The following SNTG1 variants were observed in gnomAD, a reference collection of about 807,000 sequenced individuals.
SNTG1 encodes syntrophin gamma 1.
SNTG1 carries 39 observed loss-of-function variants against 74.7 expected under a neutral mutation model. The ratio of observed to expected loss-of-function variants is 0.52; its 90% CI spans 0.40 to 0.68. SNTG1 has a LOEUF of 0.68. Among genes scored for constraint, SNTG1 ranks in the 30% least tolerant of loss-of-function variants. SNTG1 has a pLI of 0.00. For synonymous variants in SNTG1, 254 were observed against 217.1 expected (o/e 1.17, Z -1.49); for missense variants, 685 against 609.5 (o/e 1.12, Z -1.30).
intron 1 of SNTG1, among the ~76,000 whole-genome samples, chr8:50,145,502 C>G (rs1456319506): frequency 6.6e-6 from 1 of 151,954 alleles, no homozygotes; most frequent in Non-Finnish European, 1.5e-5. Context: ...AAAGAAGAAG[C>G]CTACTAATGT....
At chr8:50,606,322 T>C (rs2094812065) in intron 13 of SNTG1, among the ~76,000 whole-genome samples, 1 of 152,238 alleles carries the variant, frequency 6.6e-6, no homozygotes, top group South Asian at 2.1e-4. Flanking sequence ...CTTAGAACTT[T>C]AAAAATTTCT....
At chr8:50,371,779 C>T (rs1054022784) in intron 2 of SNTG1, among the ~76,000 whole-genome samples, 10 of 152,090 alleles carry the variant, frequency 6.6e-5, no homozygotes, top group Admixed American at 2.0e-4. Context: ...ACCCTTTTAT[C>T]GTTACATCAT....
intron 1 of SNTG1, among the ~76,000 whole-genome samples, chr8:50,112,515 C>CTTTTTTTTTTTTT (rs34942560): frequency 1.3e-5 from 1 of 77,582 alleles, no homozygotes; most frequent in Admixed American, 2.2e-4. Flanking sequence ...TTAGTTCTTT[C>CTTTTTTTTTTTTT]TTTTTTTTTT....
intron 4 of SNTG1, among the ~76,000 whole-genome samples, chr8:50,404,530 TAA>T (rs1386233035): frequency 2.0e-5 from 3 of 151,946 alleles, no homozygotes; most frequent in African/African-American, 4.8e-5. Context: ...ATTCTAATAA[TAA>T]ATACAATGTA....
At chr8:50,061,809 C>T (rs1820497415) in intron 1 of SNTG1, among the ~76,000 whole-genome samples, 1 of 151,974 alleles carries the variant, frequency 6.6e-6, no homozygotes, top group Admixed American at 6.6e-5. Context: ...TGATATCTAG[C>T]TTGATGCACT....
At chr8:50,189,322 CA>C (rs2083485705) in intron 2 of SNTG1, among the ~76,000 whole-genome samples, 1 of 151,620 alleles carries the variant, frequency 6.6e-6, no homozygotes, top group Admixed American at 6.6e-5. Context: ...CAGTGGTTCT[CA>C]AAAGTGAGCA....
chr8:50,786,413 A>G (rs1026198485), intron 18 of SNTG1, among the ~76,000 whole-genome samples: 1 of 152,038 alleles, frequency 6.6e-6, no homozygotes, highest in Non-Finnish European at 1.5e-5. Context: ...TAGAAAACTT[A>G]ATACTTTTAA....
At chr8:50,299,119 C>A (rs1250964244) in intron 2 of SNTG1, among the ~76,000 whole-genome samples, 1 of 152,122 alleles carries the variant, frequency 6.6e-6, no homozygotes, top group Non-Finnish European at 1.5e-5. Flanking sequence ...GTTGTCTCTT[C>A]TAGGACCAGT....
At chr8:50,102,373 G>C (rs2080170195) in intron 1 of SNTG1, among the ~76,000 whole-genome samples, 1 of 151,690 alleles carries the variant, frequency 6.6e-6, no homozygotes. Flanking sequence ...AGAAGTGTCT[G>C]TTCATGTCCT....
intron 2 of SNTG1, among the ~76,000 whole-genome samples, chr8:50,274,590 A>G (rs1487469159): frequency 6.6e-6 from 1 of 152,190 alleles, no homozygotes; most frequent in Non-Finnish European, 1.5e-5. Flanking sequence ...ACAATGGCTA[A>G]TAGCAGTGGG....
At chr8:50,402,139 C>T in intron 3 of SNTG1, 71 bp from the exon 4 acceptor site, 1 of 1,487,286 alleles carries the variant, frequency 6.7e-7, no homozygotes, top group Admixed American at 2.4e-5. Context: ...TTGCTGTAAA[C>T]TGGCCACAAA....
At chr8:50,762,261 G>T (rs2095601119) in intron 18 of SNTG1, among the ~76,000 whole-genome samples, 1 of 151,874 alleles carries the variant, frequency 6.6e-6, no homozygotes, top group African/African-American at 2.4e-5. Flanking sequence ...CTTTAGAAGG[G>T]GTGAATAGCG....
intron 4 of SNTG1, among the ~76,000 whole-genome samples, chr8:50,407,364 C>T (rs1490832791): frequency 6.6e-6 from 1 of 152,122 alleles, no homozygotes; most frequent in Non-Finnish European, 1.5e-5. Context: ...AAGCAATGCT[C>T]TGAAGTCCTG....
At chr8:50,075,726 C>T (rs372198079) in intron 1 of SNTG1, among the ~76,000 whole-genome samples, 2 of 152,150 alleles carry the variant, frequency 1.3e-5, no homozygotes, top group East Asian at 1.9e-4. Flanking sequence ...CTGGGAAGGT[C>T]TGCAGCTTTT....
intron 2 of SNTG1, among the ~76,000 whole-genome samples, chr8:50,230,819 A>G (rs1424161587): frequency 7.2e-6 from 1 of 139,138 alleles, no homozygotes; most frequent in African/African-American, 2.6e-5. Context: ...GGGGAAAACT[A>G]TCTAACATTG....
chr8:50,668,624 G>C (rs1345162608), intron 15 of SNTG1, among the ~76,000 whole-genome samples: 1 of 151,066 alleles, frequency 6.6e-6, no homozygotes, highest in African/African-American at 2.4e-5. Context: ...TGCACCTATC[G>C]ACCTGTCCTC....
chr8:50,246,483 T>C (rs1004362995), intron 2 of SNTG1, among the ~76,000 whole-genome samples: 3 of 141,846 alleles, frequency 2.1e-5, no homozygotes, highest in Non-Finnish European at 4.6e-5. Flanking sequence ...CATTACTAAG[T>C]GAAGAAACAT....
chr8:50,185,994 T>A (rs1158772366), intron 2 of SNTG1, among the ~76,000 whole-genome samples: 3 of 152,126 alleles, frequency 2.0e-5, no homozygotes, highest in Non-Finnish European at 4.4e-5. Context: ...ATGCTCTCCA[T>A]ACCCTAGACT....
chr8:50,154,684 G>T (rs2082195451), intron 1 of SNTG1, among the ~76,000 whole-genome samples: 1 of 152,124 alleles, frequency 6.6e-6, no homozygotes. Context: ...GGGAAGCATT[G>T]AACTAACCAA....
Sources: gnomAD v4.1 joint callset for allele counts (sites outside exome capture counted in the v4.1 genomes callset) on GRCh38, gnomAD v4.1.1 for gene constraint, MANE v1.5 for transcripts, NCBI Gene and HGNC (gene_info 2026-07-23, HGNC 2026-07-21) for gene names.